Variants in SNX29 observed in about 807,000 individuals in gnomAD.
SNX29 encodes the protein sorting nexin-29.
A neutral mutation model predicts 102.1 loss-of-function variants in SNX29; 78 were observed. The ratio of observed to expected loss-of-function variants is 0.76; its 90% confidence interval spans 0.64 to 0.92. The LOEUF is 0.92. Ranked by LOEUF, SNX29 falls within the 40% of genes least tolerant of loss-of-function variation. The pLI is 0.00. For missense variants in SNX29, 1,280 were observed against 1,061.7 expected, an observed-to-expected ratio of 1.21 and a Z score of -2.86; for synonymous variants, 580 against 414.5, an observed-to-expected ratio of 1.40 and a Z score of -4.85.
At chr16:12,181,876 C>T (rs1166683372) in intron 13 of SNX29, among the ~76,000 whole-genome samples, 2 of 149,386 alleles carry the variant, frequency 1.3e-5, no homozygotes, top group South Asian at 2.1e-4. Context: ...TGTCTGTGGG[C>T]TTCTGCCTTT....
intron 11 of SNX29, among the ~76,000 whole-genome samples, chr16:12,114,324 G>A (rs1344497172): frequency 6.6e-6 from 1 of 152,212 alleles, no homozygotes; most frequent in Non-Finnish European, 1.5e-5. Context: ...GGCTCTGTTA[G>A]GAGGAGAGAG....
At chr16:12,261,963 G>C (rs1004817361) in intron 14 of SNX29, among the ~76,000 whole-genome samples, 2 of 144,434 alleles carry the variant, frequency 1.4e-5, no homozygotes, top group Non-Finnish European at 3.0e-5. Flanking sequence ...GCTGGAGTGA[G>C]TGTTTGCTGA....
At chr16:11,996,026 C>T (rs1401660558) in intron 1 of SNX29, among the ~76,000 whole-genome samples, 2 of 150,558 alleles carry the variant, frequency 1.3e-5, no homozygotes, top group Non-Finnish European at 3.0e-5. Flanking sequence ...GGCCACTGCA[C>T]TCCAGCCTGG....
chr16:12,325,114 C>T (rs772809557), intron 15 of SNX29, among the ~76,000 whole-genome samples: 7 of 152,148 alleles, frequency 4.6e-5, no homozygotes, highest in South Asian at 2.1e-4. Flanking sequence ...TTTTGCCCTT[C>T]GCTAGCAATG....
Position 12,338,653 on chromosome 16 carries a change from C to T in SNX29, c.1783-17510C>T, listed in dbSNP as rs184150884. On this transcript the variant is annotated intron_variant, in intron 15 of 20. Coordinates refer to ENST00000566228, the MANE Select transcript of SNX29 (RefSeq NM_032167.5). ...GGTCTCCCAGAACACACAGCCCATA[C>T]TATATCCCCATAGGCAAATCAGAAA... Among the ~76,000 whole-genome samples, 6 of 152,332 alleles carry T rather than the reference C, an allele frequency of 3.9e-5. No individual in the cohort carries two copies. In the East Asian group the frequency reaches 1.2e-3, roughly 29 times the overall value.
At chr16:12,425,260 G>A (rs749948025) in intron 18 of SNX29, among the ~76,000 whole-genome samples, 1 of 152,174 alleles carries the variant, frequency 6.6e-6, no homozygotes, top group Non-Finnish European at 1.5e-5. Flanking sequence ...CAGAAAGCTG[G>A]ATCACCCCGC....
intron 18 of SNX29, among the ~76,000 whole-genome samples, chr16:12,418,273 G>A (rs1014630774): frequency 2.0e-5 from 3 of 152,094 alleles, no homozygotes; most frequent in African/African-American, 7.2e-5. Context: ...GTTTGCTAGC[G>A]TCCTTCCTCC....
intron 20 of SNX29, chr16:12,560,928 T>C (rs1317947353): frequency 4.9e-6 from 1 of 204,720 alleles, no homozygotes; most frequent in Non-Finnish European, 1.0e-5. Flanking sequence ...AAGTACCTCG[T>C]GGTGTTGGGA....
At position 12,568,989 on chromosome 16, in the gene SNX29, A is replaced by AT. The variant is rs2079126039; in HGVS notation, c.*361dup. 2 of 323,714 alleles carry AT rather than the reference A, an allele frequency of 6.2e-6. No individual in the cohort carries two copies. The highest frequency in any genetic ancestry group is 9.6e-5 in the Admixed American group (2 of 20,936). 20.1% of individuals were successfully genotyped at this position (323,714 alleles called of 1,614,324 possible). On this transcript the variant is annotated 3_prime_UTR_variant, in exon 21 of 21. Transcript: ENST00000566228. ...GCGCCATGGTTGAGAGGCAAAGGTG[A>AT]TCCCCTATATAGGAAGGTTCATGCA... is the stretch of plus-strand genomic sequence containing the variant.
chr16:12,308,688 TCTA>T (rs1022985931), intron 15 of SNX29, among the ~76,000 whole-genome samples: 6 of 152,230 alleles, frequency 3.9e-5, no homozygotes, highest in Non-Finnish European at 7.3e-5. Flanking sequence ...TGTAATATTT[TCTA>T]CTGCTATTTA....
intron 19 of SNX29, among the ~76,000 whole-genome samples, chr16:12,494,923 G>C (rs958110826): frequency 2.0e-5 from 3 of 152,180 alleles, no homozygotes; most frequent in African/African-American, 7.2e-5. Context: ...TATTTATTGA[G>C]TGCTAACTGC....
intron 14 of SNX29, among the ~76,000 whole-genome samples, chr16:12,266,310 C>A (rs985956315): frequency 1.1e-4 from 17 of 152,124 alleles, no homozygotes; most frequent in Non-Finnish European, 1.0e-4. Flanking sequence ...CCACACTAGG[C>A]AATTCTCCAA....
At chr16:12,560,145 AAC>A (rs1220625428) in intron 20 of SNX29, among the ~76,000 whole-genome samples, 20 of 18,492 alleles carry the variant, frequency 1.1e-3, no homozygotes, top group East Asian at 8.0e-3. Context: ...TCCCCCCCCC[AAC>A]AAACAGTAAA....
In SNX29 at chr16:12,061,404, CCTT is replaced by C. The variant is rs529699393; in HGVS notation, c.1125-121_1125-119del. 3.9e-4 allele frequency: 281 copies of C among 720,996 alleles called. No individual in the cohort carries two copies. In the African/African-American group the frequency reaches 4.3e-3, roughly 11 times the overall value. The allele number at this position is 720,996 out of a possible 1,614,324, so 44.7% of individuals were successfully genotyped here. On this transcript the variant is annotated intron_variant, in intron 8 of 20. Coordinates refer to ENST00000566228, the MANE Select transcript of SNX29 (RefSeq NM_032167.5). ...ACGCTCTACCTCCCAGCCCACACCTCCTTCTGTTCTCAGCCCTGCCTTGGCCTG... is the reference window on the plus strand; with the variant it reads ...ACGCTCTACCTCCCAGCCCACACCTCCTGTTCTCAGCCCTGCCTTGGCCTG...
Position 12,267,647 on chromosome 16 carries a change from G to A in SNX29, c.1679-10286G>A, listed in dbSNP as rs191612465. 4.7e-4 allele frequency among the ~76,000 whole-genome samples: 71 copies of A among 152,300 alleles called. No homozygotes were observed. The East Asian group carries it at 0.011, about 23-fold the overall frequency. On this transcript the variant is annotated intron_variant, in intron 14 of 20. Transcript: ENST00000566228. ...GCTCAGCTGTTGACCAGGGCTGTCC[G>A]GAAAGAGCAGCGCCTCTGGAAGGTG...
chr16:12,462,788 A>C (rs1166730024), intron 18 of SNX29, among the ~76,000 whole-genome samples: 1 of 152,240 alleles, frequency 6.6e-6, no homozygotes, highest in African/African-American at 2.4e-5. Context: ...ACAGGGAAAT[A>C]AAAAGCTCTA....
chr16:12,519,176 G>A, intron 19 of SNX29, among the ~76,000 whole-genome samples: 1 of 152,182 alleles, frequency 6.6e-6, no homozygotes. Flanking sequence ...CGGTTTTAAT[G>A]TTTCAGAACA....
At chr16:12,271,345 G>A (rs1407056684) in intron 14 of SNX29, among the ~76,000 whole-genome samples, 1 of 152,194 alleles carries the variant, frequency 6.6e-6, no homozygotes, top group Non-Finnish European at 1.5e-5. Flanking sequence ...GCGTGCATCA[G>A]TTCCTTGCCA....
intron 16 of SNX29, among the ~76,000 whole-genome samples, chr16:12,369,294 C>G (rs2082597707): frequency 6.6e-6 from 1 of 152,008 alleles, no homozygotes. Context: ...TGCCACCGTG[C>G]CCAGCTAATT....
Sources: gnomAD v4.1 joint callset for allele counts (sites outside exome capture counted in the v4.1 genomes callset) on GRCh38, gnomAD v4.1.1 for gene constraint, MANE v1.5 for transcripts, NCBI Gene and HGNC (gene_info 2026-07-23, HGNC 2026-07-21) for gene names.